SLC12A2: variants seen among roughly 807,000 people sequenced by gnomAD.
SLC12A2 encodes Na-K-2Cl cotransporter 1.
A neutral mutation model predicts 136.3 loss-of-function variants in SLC12A2; 67 were observed. The ratio of observed to expected loss-of-function variants is 0.49; its 90% CI spans 0.40 to 0.60. The LOEUF (loss-of-function observed/expected upper bound fraction) is 0.60, where lower values mean the gene tolerates loss of function less well. Among genes scored for constraint, SLC12A2 ranks in the 20% least tolerant of loss-of-function variants. SLC12A2 has a pLI of 0.00. For missense variants in SLC12A2, 1,322 were observed against 1,534.7 expected, an observed-to-expected ratio of 0.86 and a Z score of 2.32; for synonymous variants, 619 against 562.9, an observed-to-expected ratio of 1.10 and a Z score of -1.41.
chr5:128,156,574 A>G (rs1028892283), intron 15 of SLC12A2, among the ~76,000 whole-genome samples: 13 of 152,304 alleles, frequency 8.5e-5, no homozygotes, highest in African/African-American at 3.1e-4. Context: ...AACGGGTTCT[A>G]TTAGGGTATG....
At chr5:128,103,293 C>G (rs890490648) in intron 1 of SLC12A2, among the ~76,000 whole-genome samples, 26 of 152,184 alleles carry the variant, frequency 1.7e-4, no homozygotes, top group African/African-American at 6.3e-4. Context: ...ATAATATCCC[C>G]ATTTCGCATA....
chr5:128,112,802 T>A lies in SLC12A2; in HGVS notation c.757-12T>A, dbSNP rs751131333. ...AATGTTAAGCATAATTCATATTTCT[T>A]TTTATAACCAGGAACCTTTTGAGGA... On this transcript the variant is annotated splice_polypyrimidine_tract_variant and intron_variant, in intron 1 of 26. Coordinates refer to ENST00000262461, the MANE Select transcript of SLC12A2 (RefSeq NM_001046.3). 3.8e-6 allele frequency: 6 copies of A among 1,585,792 alleles called. No homozygotes were observed. Among genetic ancestry groups the A allele is most frequent in the Non-Finnish European group, 4.3e-6 (5 of 1,168,246 alleles).
Position 128,151,347 on chromosome 5 carries a change from A to G in SLC12A2, c.2214A>G (p.Thr738=), listed in dbSNP as rs766675147. 7 of 1,612,248 alleles carry G rather than the reference A, an allele frequency of 4.3e-6. No homozygotes were observed. In the African/African-American group the frequency reaches 5.3e-5, roughly 12 times the overall value. ...FVINWWAALL[T]YVIVLGLYIY... The stretch of plus-strand genomic sequence containing the variant: ...TTAACTGGTGGGCTGCATTGCTAAC[A>G]TATGTGATAGTCCTTGGGCTGTATA... Residue 738 remains threonine, a synonymous_variant, in exon 14 of 27, where the codon ACA becomes ACG. Transcript: ENST00000262461.
At chr5:128,171,948 G>T in intron 19 of SLC12A2, 1 of 404,538 alleles carries the variant, frequency 2.5e-6, no homozygotes. Flanking sequence ...GATGGTTAGT[G>T]ATTATTTGGA....
chr5:128,179,548 C>T (rs1444002703), intron 22 of SLC12A2, among the ~76,000 whole-genome samples: 1 of 152,220 alleles, frequency 6.6e-6, no homozygotes, highest in Non-Finnish European at 1.5e-5. Context: ...CCTGACATCA[C>T]TCAGCTTCTA....
At position 128,099,121 on chromosome 5, in the gene SLC12A2, A is replaced by T. The variant is rs74290669; in HGVS notation, c.757-13693A>T. On this transcript the variant is annotated intron_variant, in intron 1 of 26. Coordinates refer to ENST00000262461, the MANE Select transcript of SLC12A2 (RefSeq NM_001046.3). ...CACATACAGTCGTATGTTGCTTGAC[A>T]ACTGGGATACTTTAGAGAAACACAT... Among the ~76,000 whole-genome samples, 503 of 152,220 alleles carry T rather than the reference A, an allele frequency of 3.3e-3. 10 individuals are homozygous for T. In the East Asian group the frequency reaches 0.055, roughly 16 times the overall value.
At position 128,119,796 on chromosome 5, in the gene SLC12A2, G is replaced by A. The variant is rs190284947; in HGVS notation, c.1048+5115G>A. 3.6e-3 allele frequency among the ~76,000 whole-genome samples: 546 copies of A among 152,254 alleles called. 4 individuals are homozygous for A. The highest frequency in any genetic ancestry group is 0.012 in the African/African-American group (483 of 41,550). The stretch of plus-strand genomic sequence containing the variant: ...GCATTACCATTCAGGACATAGGCAC[G>A]GGCAAGGACTGCATGTCTAAAACAC... On this transcript the variant is annotated intron_variant, in intron 4 of 26. Transcript: ENST00000262461.
intron 5 of SLC12A2, among the ~76,000 whole-genome samples, chr5:128,132,762 G>C (rs962720765): frequency 2.0e-5 from 3 of 152,070 alleles, no homozygotes; most frequent in African/African-American, 7.2e-5. Context: ...AAGAAAAAGG[G>C]CTATAATACC....
intron 22 of SLC12A2, 56 bp from the exon 23 acceptor site, chr5:128,180,827 T>G: frequency 4.0e-6 from 4 of 1,004,820 alleles, no homozygotes; most frequent in Non-Finnish European, 6.3e-6. Context: ...TAAATTGATG[T>G]TCCTGATTAA....
intron 1 of SLC12A2, among the ~76,000 whole-genome samples, chr5:128,096,151 T>C (rs1760529852): frequency 6.6e-6 from 1 of 152,104 alleles, no homozygotes; most frequent in Non-Finnish European, 1.5e-5. Context: ...TGGTAAACAC[T>C]GGATATTAGG....
intron 1 of SLC12A2, among the ~76,000 whole-genome samples, chr5:128,089,530 A>G (rs947644645): frequency 6.6e-6 from 1 of 152,150 alleles, no homozygotes; most frequent in Non-Finnish European, 1.5e-5. Context: ...AAGATAACAA[A>G]GATGTTGAGG....
At chr5:128,088,414 G>A (rs1345484997) in intron 1 of SLC12A2, among the ~76,000 whole-genome samples, 2 of 152,148 alleles carry the variant, frequency 1.3e-5, no homozygotes, top group African/African-American at 4.8e-5. Flanking sequence ...AAAAGGTGGA[G>A]GGTAACAAAG....
chr5:128,172,624 G>A (rs1763414176), intron 19 of SLC12A2, among the ~76,000 whole-genome samples: 1 of 152,180 alleles, frequency 6.6e-6, no homozygotes, highest in Non-Finnish European at 1.5e-5. Context: ...TGAAAGTGAA[G>A]ATTAAAGCCT....
chr5:128,101,848 A>G (rs779074614), intron 1 of SLC12A2, among the ~76,000 whole-genome samples: 4 of 152,344 alleles, frequency 2.6e-5, no homozygotes, highest in Non-Finnish European at 5.9e-5. Flanking sequence ...CTTGTGCTAT[A>G]CTGTGTTGGC....
intron 1 of SLC12A2, among the ~76,000 whole-genome samples, chr5:128,095,060 A>G (rs1479887030): frequency 6.6e-6 from 1 of 152,050 alleles, no homozygotes; most frequent in Non-Finnish European, 1.5e-5. Context: ...CTTCCACATT[A>G]GTGACTACTA....
chr5:128,185,276 C>A (rs909664701), intron 26 of SLC12A2, among the ~76,000 whole-genome samples: 1 of 152,170 alleles, frequency 6.6e-6, no homozygotes, highest in African/African-American at 2.4e-5. Flanking sequence ...TGATTCCTAT[C>A]TGGATCCCCA....
intron 1 of SLC12A2, among the ~76,000 whole-genome samples, chr5:128,103,441 G>A (rs1760816373): frequency 6.6e-6 from 1 of 152,058 alleles, no homozygotes; most frequent in Admixed American, 6.6e-5. Flanking sequence ...GACATTATTT[G>A]GAAAACAGAT....
rs75598071 is a variant in SLC12A2 at position 128,134,057 on chromosome 5, A to G, written c.1189-108A>G. 3.2e-3 allele frequency: 1,940 copies of G among 604,926 alleles called. 25 individuals are homozygous for G. Among genetic ancestry groups the G allele is most frequent in the African/African-American group, 0.031 (1,683 of 53,954 alleles). The allele number at this position is 604,926 out of a possible 1,614,324, so 37.5% of individuals were successfully genotyped here. ...TATTCCTTAAGCAACCATTTATTCAACTTCTTCATGTAAGGCACCGTAATA... is the reference window on the plus strand; with the variant it reads ...TATTCCTTAAGCAACCATTTATTCAGCTTCTTCATGTAAGGCACCGTAATA... On this transcript the variant is annotated intron_variant, in intron 5 of 26. Coordinates refer to ENST00000262461, the MANE Select transcript of SLC12A2 (RefSeq NM_001046.3).
intron 19 of SLC12A2, among the ~76,000 whole-genome samples, chr5:128,172,512 AC>A: frequency 6.6e-6 from 1 of 152,144 alleles, no homozygotes; most frequent in African/African-American, 2.4e-5. Context: ...CCCCCTTTCT[AC>A]TTCCCACTAT....
Sources: gnomAD v4.1 joint callset for allele counts (sites outside exome capture counted in the v4.1 genomes callset) on GRCh38, gnomAD v4.1.1 for gene constraint, MANE v1.5 for transcripts, NCBI Gene and HGNC (gene_info 2026-07-23, HGNC 2026-07-21) for gene names.